The following MINAR1 variants were observed in gnomAD, a reference collection of about 807,000 sequenced individuals.
MINAR1 encodes major intrinsically disordered Notch2-binding receptor 1.
A neutral mutation model predicts 65.1 loss-of-function variants in MINAR1; 40 were observed. The observed-to-expected ratio is 0.61, with a 90% CI of 0.48 to 0.80. The LOEUF (loss-of-function observed/expected upper bound fraction) is 0.80. Among genes scored for constraint, MINAR1 ranks in the 30% least tolerant of loss-of-function variants. The pLI, the probability that MINAR1 is intolerant of heterozygous loss-of-function variation, is 0.00. For synonymous variants in MINAR1, 482 were observed against 449.1 expected, an observed-to-expected ratio of 1.07 and a Z score of -0.93; for missense variants, 1,128 against 1,148.0, an observed-to-expected ratio of 0.98 and a Z score of 0.25.
chr15:79,411,449 T>A, the MINAR1 span: 2 of 702,576 alleles, frequency 2.8e-6, no homozygotes, highest in South Asian at 3.0e-5. Context: ...GTCGACTATA[T>A]GCAGCCAGGC....
At position 79,464,355 on chromosome 15, in the gene MINAR1, A is replaced by T. The variant is rs80015635; in HGVS notation, c.2553+1034A>T. On this transcript the variant is annotated intron_variant, in intron 3 of 3. Transcript: ENST00000305428. Reference sequence around the variant, plus strand: ...GAAGGCCCTTGGGGGCTGGTCAATGATGCTGAAATCAATCAACTTTGCATG... The same window carrying T: ...GAAGGCCCTTGGGGGCTGGTCAATGTTGCTGAAATCAATCAACTTTGCATG... Among the ~76,000 whole-genome samples the T allele has an allele frequency of 5.6e-3, 854 of 152,356 alleles. 8 individuals are homozygous for T. Among genetic ancestry groups the T allele is most frequent in the African/African-American group, 0.02 (821 of 41,586 alleles).
intron 1 of MINAR1, among the ~76,000 whole-genome samples, chr15:79,452,973 CTGCCCTGGGACATATG>C (rs1423397815): frequency 6.6e-6 from 1 of 151,438 alleles, no homozygotes; most frequent in Non-Finnish European, 1.5e-5. Flanking sequence ...GAATGTGAAG[CTGCCCTGGGACATATG>C]TGCATGCACA....
chr15:79,437,426 G>A (rs1475844882), intron 1 of MINAR1, among the ~76,000 whole-genome samples: 2 of 143,094 alleles, frequency 1.4e-5, no homozygotes, highest in Non-Finnish European at 3.1e-5. Context: ...GTGAGTGGGT[G>A]GGTAGTGAGT....
chr15:79,453,673 G>T (rs1322346179), intron 1 of MINAR1, among the ~76,000 whole-genome samples: 2 of 152,184 alleles, frequency 1.3e-5, no homozygotes, highest in Non-Finnish European at 2.9e-5. Context: ...ATGCACCTGT[G>T]CTGCACGTGT....
At chr15:79,453,072 G>T (rs925858575) in intron 1 of MINAR1, among the ~76,000 whole-genome samples, 7 of 151,840 alleles carry the variant, frequency 4.6e-5, no homozygotes, top group Admixed American at 4.6e-4. Flanking sequence ...GACCAGATCC[G>T]GCTTCAGACT....
At chr15:79,454,352 C>G (rs1301982870) in intron 1 of MINAR1, among the ~76,000 whole-genome samples, 1 of 152,226 alleles carries the variant, frequency 6.6e-6, no homozygotes, top group Non-Finnish European at 1.5e-5. Context: ...AAGCTCATTA[C>G]CTCGAGCTGC....
chr15:79,413,770 G>A, the MINAR1 span: 26 of 152,200 alleles, frequency 1.7e-4, no homozygotes, highest in Admixed American at 5.9e-4. Flanking sequence ...CTATCTAGGG[G>A]TAAGGATGCC....
At chr15:79,451,495 C>T (rs184365349) in intron 1 of MINAR1, among the ~76,000 whole-genome samples, 12 of 152,034 alleles carry the variant, frequency 7.9e-5, no homozygotes, top group African/African-American at 2.2e-4. Context: ...TCCAAGCAGA[C>T]GGGTCTGCGG....
intron 1 of MINAR1, among the ~76,000 whole-genome samples, chr15:79,439,584 T>TAA (rs1321278120): frequency 6.6e-6 from 1 of 151,554 alleles, no homozygotes; most frequent in Non-Finnish European, 1.5e-5. Flanking sequence ...GTGGGCTGGG[T>TAA]GGTTGGCTGT....
In MINAR1 at chr15:79,467,851, G is replaced by C. The variant is rs144351566; in HGVS notation, c.2554-336G>C. ...ACTTTCCTTGTTTCCTTTGCAGTGA[G>C]GCCAGCCCCTCCTTGGTTGCATGCC... is the stretch of plus-strand genomic sequence containing the variant. On this transcript the variant is annotated intron_variant, in intron 3 of 3. Transcript: ENST00000305428. Among the ~76,000 whole-genome samples the C allele has an allele frequency of 3.3e-5, 5 of 152,290 alleles. No individual in the cohort carries two copies. The East Asian group carries it at 7.7e-4, about 23-fold the overall frequency.
the MINAR1 span, chr15:79,413,215 G>T: frequency 6.6e-6 from 1 of 152,150 alleles, no homozygotes; most frequent in African/African-American, 2.4e-5. Flanking sequence ...TTCTGAACCC[G>T]CACATGTACC....
chr15:79,428,861 A>C (rs956517892), upstream of MINAR1, among the ~76,000 whole-genome samples: 5 of 152,154 alleles, frequency 3.3e-5, no homozygotes, highest in Non-Finnish European at 7.4e-5. Flanking sequence ...CAGTGGTCAC[A>C]GTCTTCTCCC....
In MINAR1 at chr15:79,468,812, C is replaced by T. The variant is rs1895968940; in HGVS notation, c.*428C>T. The T allele has an allele frequency of 5.2e-6, 1 of 194,094 alleles. No homozygotes were observed. The highest frequency in any genetic ancestry group is 9.5e-5 in the South Asian group (1 of 10,574). The allele number at this position is 194,094 out of a possible 1,614,324, so 12.0% of individuals were successfully genotyped here. Reference sequence around the variant, plus strand: ...AGCAACATAAGAAGAAAAGAGGTGGCTTCTCTTTTCCATAATGTTCTTAGA... The same window carrying T: ...AGCAACATAAGAAGAAAAGAGGTGGTTTCTCTTTTCCATAATGTTCTTAGA... On this transcript the variant is annotated 3_prime_UTR_variant, in exon 4 of 4. Transcript: ENST00000305428.
intron 1 of MINAR1, among the ~76,000 whole-genome samples, chr15:79,446,026 T>C (rs1895009734): frequency 6.6e-6 from 1 of 152,260 alleles, no homozygotes; most frequent in South Asian, 2.1e-4. Context: ...TAATTAGTTA[T>C]ACTTTGCTTC....
chr15:79,427,239 G>C, the MINAR1 span: 2 of 152,172 alleles, frequency 1.3e-5, no homozygotes, highest in Non-Finnish European at 1.5e-5. Flanking sequence ...ACACGAAGAA[G>C]GGAACAATGG....
intron 2 of MINAR1, among the ~76,000 whole-genome samples, chr15:79,460,209 C>G (rs1402270974): frequency 1.3e-5 from 2 of 152,200 alleles, no homozygotes; most frequent in South Asian, 2.1e-4. Flanking sequence ...GTGACTCTCA[C>G]CACCTTGGGG....
At chr15:79,444,592 TTAAC>T (rs1344494723) in intron 1 of MINAR1, among the ~76,000 whole-genome samples, 3 of 152,128 alleles carry the variant, frequency 2.0e-5, no homozygotes, top group Non-Finnish European at 4.4e-5. Context: ...AATGATAGCT[TTAAC>T]TATAGTTTAT....
intron 1 of MINAR1, among the ~76,000 whole-genome samples, chr15:79,437,513 G>T (rs2141275439): frequency 6.6e-6 from 1 of 150,764 alleles, no homozygotes; most frequent in South Asian, 2.1e-4. Context: ...TTGTGAGTGG[G>T]TAGAGGTGTG....
rs1895952238 is a variant in MINAR1 at position 79,468,373 on chromosome 15, A to G, written c.2740A>G (p.Met914Val). The G allele has an allele frequency of 1.2e-6, 2 of 1,613,898 alleles. No homozygotes were observed. The highest frequency in any genetic ancestry group is 8.5e-7 in the Non-Finnish European group (1 of 1,179,938). The change falls in exon 4 of 4, where the codon ATG becomes GTG. Residue 914 changes from methionine (M) to valine (V), a missense_variant. Coordinates refer to ENST00000305428, the MANE Select transcript of MINAR1 (RefSeq NM_015206.3). The part of the protein sequence containing the change: ...ILVIVVPICT[M>V]KS Reference sequence around the variant, plus strand: ...CGTTATTGTCGTGCCCATCTGCACAATGAAATCATGAGCTAAGAATGCAAC... The same window carrying G: ...CGTTATTGTCGTGCCCATCTGCACAGTGAAATCATGAGCTAAGAATGCAAC...
Sources: allele counts gnomAD v4.1 joint callset (sites outside exome capture counted in the v4.1 genomes callset), GRCh38; gene constraint gnomAD v4.1.1; transcripts MANE v1.5; gene names NCBI Gene and HGNC (gene_info 2026-07-23, HGNC 2026-07-21).